The following NUP160 variants were observed in gnomAD, a reference collection of about 807,000 sequenced individuals.
The protein encoded by NUP160 is nuclear pore complex protein Nup160.
NUP160 carries 94 observed loss-of-function variants against 196.9 expected under a neutral mutation model. That is an observed-to-expected ratio of 0.48 (90% confidence interval 0.40 to 0.57). The LOEUF (loss-of-function observed/expected upper bound fraction) is 0.57, where lower values mean the gene tolerates loss of function less well. Among genes scored for constraint, NUP160 ranks in the 20% least tolerant of loss-of-function variants. The pLI, the probability that NUP160 is intolerant of heterozygous loss-of-function variation, is 0.00. For synonymous variants in NUP160, 605 were observed against 619.7 expected (o/e 0.98, Z 0.35); for missense variants, 1,638 against 1,748.3 (o/e 0.94, Z 1.13).
intron 23 of NUP160, among the ~76,000 whole-genome samples, chr11:47,799,809 G>A (rs2097673078): frequency 6.6e-6 from 1 of 152,096 alleles, no homozygotes; most frequent in African/African-American, 2.4e-5. Context: ...GCCTCTCAAA[G>A]TGTTGGGATT....
chr11:47,781,242 A>G (rs1473805601), intron 34 of NUP160, among the ~76,000 whole-genome samples: 1 of 151,988 alleles, frequency 6.6e-6, no homozygotes, highest in African/African-American at 2.4e-5. Flanking sequence ...AAAAAAATAA[A>G]AATAAAAAAT....
intron 7 of NUP160, among the ~76,000 whole-genome samples, chr11:47,833,974 G>T (rs916013804): frequency 6.6e-6 from 1 of 152,108 alleles, no homozygotes; most frequent in Non-Finnish European, 1.5e-5. Context: ...TCTTTTCACT[G>T]TAATACATTT....
intron 34 of NUP160, among the ~76,000 whole-genome samples, chr11:47,781,156 G>A (rs2097660549): frequency 6.6e-6 from 1 of 152,012 alleles, no homozygotes; most frequent in South Asian, 2.1e-4. Flanking sequence ...CCGGGAGGCG[G>A]AGGTTACAGT....
chr11:47,792,137 G>A (rs919780651), intron 28 of NUP160, 147 bp from the exon 29 acceptor site: 5 of 576,226 alleles, frequency 8.7e-6, no homozygotes, highest in Non-Finnish European at 1.5e-5. Flanking sequence ...CAGAGGTACT[G>A]TAACTATGAG....
At chr11:47,825,082 G>A (rs907463187) in intron 7 of NUP160, among the ~76,000 whole-genome samples, 6 of 152,046 alleles carry the variant, frequency 3.9e-5, no homozygotes, top group Middle Eastern at 3.4e-3. Flanking sequence ...TGATCTGCCC[G>A]CCTCGGCCTC....
chr11:47,801,073 G>A (rs1235409271), intron 23 of NUP160, among the ~76,000 whole-genome samples: 1 of 152,162 alleles, frequency 6.6e-6, no homozygotes, highest in Non-Finnish European at 1.5e-5. Flanking sequence ...TTGTTACAAT[G>A]GAGTGACCAG....
chr11:47,812,432 A>T lies in NUP160; in HGVS notation c.1953-3T>A, dbSNP rs564545037. On this transcript the variant is annotated splice_polypyrimidine_tract_variant and splice_region_variant and intron_variant, in intron 15 of 35. Transcript: ENST00000378460. ...AAATATCCTCCATCACATTTTCTCT[A>T]TAAGGACAATTACAAAACTCTTATT... is the stretch of plus-strand genomic sequence containing the variant. 2 of 1,611,442 alleles carry T rather than the reference A, an allele frequency of 1.2e-6. No individual in the cohort carries two copies. The highest frequency in any genetic ancestry group is 1.7e-6 in the Non-Finnish European group (2 of 1,179,364).
exon 32 of NUP160, chr11:47,786,526 C>A: frequency 6.2e-7 from 1 of 1,613,802 alleles, no homozygotes; most frequent in Non-Finnish European, 8.5e-7. Flanking sequence ...GCTTGTGCTG[C>A]CTCTCCTCCA....
intron 2 of NUP160, among the ~76,000 whole-genome samples, chr11:47,845,432 G>A (rs1852382060): frequency 6.6e-6 from 1 of 152,188 alleles, no homozygotes; most frequent in African/African-American, 2.4e-5. Context: ...GAGCCACCAT[G>A]CCTGGCTTCC....
At chr11:47,835,239 T>C (rs989725476) in intron 7 of NUP160, among the ~76,000 whole-genome samples, 2 of 152,182 alleles carry the variant, frequency 1.3e-5, no homozygotes, top group Non-Finnish European at 2.9e-5. Context: ...GCTCAACAAA[T>C]GGCTGTTTAT....
chr11:47,780,671 GA>G (rs1397742631), intron 34 of NUP160, among the ~76,000 whole-genome samples: 1 of 151,722 alleles, frequency 6.6e-6, no homozygotes, highest in African/African-American at 2.4e-5. Context: ...TGAGTAGCTG[GA>G]CTACAGATGT....
chr11:47,810,252 C>A (rs1346302971), intron 17 of NUP160, among the ~76,000 whole-genome samples: 1 of 151,864 alleles, frequency 6.6e-6, no homozygotes, highest in African/African-American at 2.4e-5. Context: ...GGCAGAAGTG[C>A]AATGGCGCAA....
At chr11:47,836,849 C>A in intron 6 of NUP160, 38 bp downstream of exon 6, 1 of 1,215,658 alleles carries the variant, frequency 8.2e-7, no homozygotes, top group Non-Finnish European at 1.2e-6. Context: ...ATTCACAATC[C>A]TGTTTTAACT....
intron 7 of NUP160, among the ~76,000 whole-genome samples, chr11:47,833,462 GAA>G (rs61549262): frequency 2.1e-5 from 3 of 144,386 alleles, no homozygotes; most frequent in African/African-American, 7.7e-5. Flanking sequence ...CATCACAAAA[GAA>G]AAAAAAAAAA....
chr11:47,824,650 T>C (rs75129833), intron 7 of NUP160, among the ~76,000 whole-genome samples: 18,698 of 151,882 alleles, frequency 0.12, 1,669 homozygotes, highest in East Asian at 0.31. Flanking sequence ...TATTTATTTT[T>C]ATTTTTAGAG....
At chr11:47,847,766 G>A (rs1208483676) in intron 2 of NUP160, 82 bp downstream of exon 2, 7 of 874,102 alleles carry the variant, frequency 8.0e-6, no homozygotes, top group Non-Finnish European at 2.0e-6. Context: ...ACCGCTTCTA[G>A]AATAGCACTT....
chr11:47,821,589 A>G (rs779939206), intron 9 of NUP160, 135 bp downstream of exon 9: 22 of 644,148 alleles, frequency 3.4e-5, no homozygotes, highest in African/African-American at 5.5e-5. Context: ...CGAACTCCTG[A>G]GCTTAAGTGA....
intron 31 of NUP160, chr11:47,787,012 T>G (rs1439650358): frequency 6.4e-6 from 1 of 155,292 alleles, no homozygotes; most frequent in Non-Finnish European, 1.4e-5. Flanking sequence ...ATGGTCTTGA[T>G]CTCCTGACCT....
chr11:47,779,794 C>CGATT (rs2097659602), intron 35 of NUP160, among the ~76,000 whole-genome samples: 1 of 152,160 alleles, frequency 6.6e-6, no homozygotes, highest in African/African-American at 2.4e-5. Context: ...GTGGTGCAAT[C>CGATT]TTGGCTCACT....
Sources: gnomAD v4.1 joint callset for allele counts (sites outside exome capture counted in the v4.1 genomes callset) on GRCh38, gnomAD v4.1.1 for gene constraint, MANE v1.5 for transcripts, NCBI Gene and HGNC (gene_info 2026-07-23, HGNC 2026-07-21) for gene names.